Variants in PDE4D observed in about 807,000 individuals in gnomAD.
The protein encoded by PDE4D is 3',5'-cyclic-AMP phosphodiesterase 4D.
PDE4D carries 24 observed loss-of-function variants against 87.4 expected under a neutral mutation model. That is an observed-to-expected ratio of 0.27 (90% confidence interval 0.20 to 0.39). PDE4D has a LOEUF of 0.39. PDE4D is among the 10% of genes least tolerant of loss of function. The probability of loss-of-function intolerance (pLI) is 1.00; values close to 1 mark genes in which losing one functional copy is unlikely to be tolerated. For synonymous variants in PDE4D, 384 were observed against 383.2 expected (o/e 1.00, Z -0.02); for missense variants, 714 against 1,041.0 (o/e 0.69, Z 4.32).
intron 2 of PDE4D, among the ~76,000 whole-genome samples, chr5:60,172,265 TACAC>T (rs58938460): frequency 0.025 from 3,489 of 140,990 alleles, 145 homozygotes; most frequent in African/African-American, 0.086. Flanking sequence ...AGTACTTCAA[TACAC>T]ACACACACAC....
At chr5:59,762,794 A>T (rs2150791882) in intron 1 of PDE4D, among the ~76,000 whole-genome samples, 1 of 144,528 alleles carries the variant, frequency 6.9e-6, no homozygotes, top group African/African-American at 2.5e-5. Context: ...CACATATTTT[A>T]TATATATATT....
intron 1 of PDE4D, chr5:59,768,595 G>A: frequency 2.6e-6 from 4 of 1,559,882 alleles, no homozygotes; most frequent in Non-Finnish European, 3.4e-6. Flanking sequence ...CAGGGAAGCA[G>A]GTCTGAGCCT....
chr5:59,385,299 A>AT (rs1786753530), intron 1 of PDE4D, among the ~76,000 whole-genome samples: 1 of 152,202 alleles, frequency 6.6e-6, no homozygotes, highest in African/African-American at 2.4e-5. Context: ...CAAGTGGCAA[A>AT]TGAAGTGAAT....
chr5:59,943,713 T>C (rs1410907727), intron 3 of PDE4D, among the ~76,000 whole-genome samples: 1 of 152,230 alleles, frequency 6.6e-6, no homozygotes, highest in African/African-American at 2.4e-5. Flanking sequence ...AATTGAAAGC[T>C]GAACTCTCTC....
chr5:59,714,132 T>C (rs1160969946), intron 1 of PDE4D, among the ~76,000 whole-genome samples: 7 of 152,108 alleles, frequency 4.6e-5, no homozygotes, highest in African/African-American at 1.4e-4. Context: ...CTCCCCATCA[T>C]GGAAGAAAAG....
At chr5:59,175,806 T>TTTTTTTC (rs1491338945) in intron 5 of PDE4D, among the ~76,000 whole-genome samples, 1 of 87,860 alleles carries the variant, frequency 1.1e-5, no homozygotes, top group African/African-American at 4.0e-5. Flanking sequence ...TTTTTTTTTT[T>TTTTTTTC]ACTTTAGGAG....
chr5:60,310,193 G>A (rs1192818111), intron 1 of PDE4D, among the ~76,000 whole-genome samples: 1 of 151,990 alleles, frequency 6.6e-6, no homozygotes, highest in African/African-American at 2.4e-5. Context: ...CCCCAATCTT[G>A]GCCCTCTCTT....
At chr5:59,488,814 A>G (rs1805648430) in intron 1 of PDE4D, among the ~76,000 whole-genome samples, 1 of 152,036 alleles carries the variant, frequency 6.6e-6, no homozygotes, top group South Asian at 2.1e-4. Flanking sequence ...TGGATGTATT[A>G]GGATTGGCGG....
intron 3 of PDE4D, among the ~76,000 whole-genome samples, chr5:59,919,539 T>C (rs1270859563): frequency 1.3e-5 from 2 of 152,192 alleles, no homozygotes; most frequent in Admixed American, 6.5e-5. Flanking sequence ...CATTCTCAAA[T>C]TGAGGTCAGA....
intron 3 of PDE4D, among the ~76,000 whole-genome samples, chr5:59,944,612 C>A (rs1397919850): frequency 1.3e-5 from 2 of 152,078 alleles, no homozygotes; most frequent in African/African-American, 4.8e-5. Flanking sequence ...ACCTCATGAT[C>A]TGCCCACCTT....
In PDE4D at chr5:60,392,553, G is replaced by C. The variant is rs149069330; in HGVS notation, c.-90+95389C>G. On this transcript the variant is annotated intron_variant, in intron 1 of 16. Transcript: ENST00000502484. ...TTCACTTTTGTAACTCTGGTGCCCA[G>C]ATTCTTGCCTGGCAGAGATACTCAA... is the stretch of plus-strand genomic sequence containing the variant. 6.8e-3 allele frequency among the ~76,000 whole-genome samples: 1,037 copies of C among 152,288 alleles called. 11 individuals carry two copies. The highest frequency in any genetic ancestry group is 0.024 in the African/African-American group (985 of 41,568).
chr5:60,109,683 A>G (rs1442153275), intron 2 of PDE4D, among the ~76,000 whole-genome samples: 1 of 152,244 alleles, frequency 6.6e-6, no homozygotes, highest in African/African-American at 2.4e-5. Flanking sequence ...AAGCAGACAT[A>G]AAAAATGATG....
intron 1 of PDE4D, among the ~76,000 whole-genome samples, chr5:59,453,521 A>G (rs765889174): frequency 2.6e-5 from 4 of 152,262 alleles, no homozygotes; most frequent in Non-Finnish European, 4.4e-5. Context: ...GTGAATACAA[A>G]TGATAAGAAA....
At chr5:60,375,958 G>A (rs56262275) in intron 1 of PDE4D, among the ~76,000 whole-genome samples, 6,240 of 152,260 alleles carry the variant, frequency 0.041, 162 homozygotes, top group East Asian at 0.11. Flanking sequence ...AGAATCACTT[G>A]AACCTGGGAG....
intron 1 of PDE4D, among the ~76,000 whole-genome samples, chr5:59,351,095 C>T (rs181702938): frequency 1.3e-5 from 2 of 152,286 alleles, no homozygotes; most frequent in Admixed American, 6.5e-5. Context: ...TTGGAAAATG[C>T]TATGAAAGAG....
intron 5 of PDE4D, among the ~76,000 whole-genome samples, chr5:59,125,879 A>T (rs1248587791): frequency 6.6e-6 from 1 of 152,130 alleles, no homozygotes; most frequent in Admixed American, 6.5e-5. Flanking sequence ...AGTCAAAGTC[A>T]GTGCTTTTTA....
intron 1 of PDE4D, among the ~76,000 whole-genome samples, chr5:59,604,262 A>G (rs1199730497): frequency 1.3e-5 from 2 of 152,014 alleles, no homozygotes; most frequent in South Asian, 2.1e-4. Context: ...CTGGAAAACA[A>G]TGATACATAT....
intron 1 of PDE4D, among the ~76,000 whole-genome samples, chr5:59,832,464 G>A (rs1741388977): frequency 6.6e-6 from 1 of 152,016 alleles, no homozygotes; most frequent in Non-Finnish European, 1.5e-5. Context: ...AATCACATTA[G>A]GATGTCAGTA....
chr5:59,938,082 G>GT (rs1756798416), intron 3 of PDE4D, among the ~76,000 whole-genome samples: 1 of 152,124 alleles, frequency 6.6e-6, no homozygotes, highest in African/African-American at 2.4e-5. Context: ...TCCAAAACCA[G>GT]TACAACTAAC....
Sources: gnomAD v4.1 joint callset for allele counts (sites outside exome capture counted in the v4.1 genomes callset) on GRCh38, gnomAD v4.1.1 for gene constraint, MANE v1.5 for transcripts, NCBI Gene and HGNC (gene_info 2026-07-23, HGNC 2026-07-21) for gene names.